Variants in NUDT11 observed in about 807,000 individuals in gnomAD.
NUDT11 encodes diphosphoinositol polyphosphate phosphohydrolase 3-beta.
A neutral mutation model predicts 10.0 loss-of-function variants in NUDT11; 1 was observed. The ratio of observed to expected loss-of-function variants is 0.10; its 90% CI spans 0.04 to 0.47. The LOEUF (loss-of-function observed/expected upper bound fraction) is 0.47, where lower values mean the gene tolerates loss of function less well. Ranked by LOEUF, NUDT11 falls within the 20% of genes least tolerant of loss-of-function variation. The probability of loss-of-function intolerance (pLI) is 0.96; values close to 1 mark genes in which losing one functional copy is unlikely to be tolerated. For missense variants in NUDT11, 47 were observed against 140.4 expected, an observed-to-expected ratio of 0.33 and a Z score of 3.36; for synonymous variants, 63 against 65.9, an observed-to-expected ratio of 0.96 and a Z score of 0.21.
chrX:51,492,197 T>G (rs1299139163), intron 1 of NUDT11, among the ~76,000 whole-genome samples: 1 of 111,716 alleles, frequency 9.0e-6, no homozygotes, highest in Non-Finnish European at 1.9e-5. Context: ...GGCTTCTCAT[T>G]GGAGATGTTT....
chrX:51,492,504 G>A (rs1201332812), intron 1 of NUDT11, among the ~76,000 whole-genome samples: 3 of 110,427 alleles, frequency 2.7e-5, no homozygotes, highest in African/African-American at 6.6e-5. Flanking sequence ...TTACAGGCAC[G>A]TGCCACCATG....
At position 51,491,767 on chromosome X, in the gene NUDT11, C is replaced by T; in HGVS notation, c.*-18G>A. 1 of 571,069 alleles carries T rather than the reference C, an allele frequency of 1.8e-6. No individual in the cohort carries two copies. The highest frequency in any genetic ancestry group is 2.2e-5 in the Admixed American group (1 of 45,223). The allele number at this position is 571,069 out of a possible 1,213,427, so 47.1% of individuals were successfully genotyped here. A position where few individuals can be genotyped will look rare whatever the true frequency, so the allele number is the denominator to read the frequency against. ...CTGTTCATCTGGAAAAACAAACCAACACACAATTAGCAGGCTTATGTTAAT... is the reference window on the plus strand; with the variant it reads ...CTGTTCATCTGGAAAAACAAACCAATACACAATTAGCAGGCTTATGTTAAT... On this transcript the variant is annotated intron_variant, in intron 1 of 1. Transcript: ENST00000375992.
At chrX:51,494,479 A>G (rs1324324081) in intron 1 of NUDT11, among the ~76,000 whole-genome samples, 2 of 112,204 alleles carry the variant, frequency 1.8e-5, no homozygotes, top group Admixed American at 9.4e-5. Context: ...CAGTGGCACC[A>G]TATTTCTTTA....
rs1925564069 is a variant in NUDT11, at chrX:51,490,244, T to C, written c.*1505A>G. 1 of 111,534 alleles carries C rather than the reference T, an allele frequency of 9.0e-6. No homozygotes were observed. The highest frequency in any genetic ancestry group is 3.3e-5 in the African/African-American group (1 of 30,690). The allele number at this position is 111,534 out of a possible 1,213,427, so 9.2% of individuals were successfully genotyped here. A position where few individuals can be genotyped will look rare whatever the true frequency, so the allele number is the denominator to read the frequency against. On this transcript the variant is annotated 3_prime_UTR_variant, in exon 2 of 2. Transcript: ENST00000375992. ...TATACTTCTCTAAAAGATAATCATT[T>C]TTTAAAACAACATAACCACAGTACC...
intron 1 of NUDT11, among the ~76,000 whole-genome samples, chrX:51,494,722 C>T (rs1925664459): frequency 9.0e-6 from 1 of 111,092 alleles, no homozygotes. Flanking sequence ...TTACAGGCAA[C>T]GTTAAGTTCT....
Position 51,490,972 on chromosome X carries a change from T to A in NUDT11, c.*777A>T, listed in dbSNP as rs192848566. ...GGTTAGGGCAGGCATTGCAAAAAAA[T>A]GTCTTATATATCATTTTAAAATTTA... On this transcript the variant is annotated 3_prime_UTR_variant, in exon 2 of 2. Coordinates refer to ENST00000375992, the MANE Select transcript of NUDT11 (RefSeq NM_018159.4). The A allele has an allele frequency of 3.6e-3, 407 of 112,426 alleles. 2 individuals are homozygous for A. The highest frequency in any genetic ancestry group is 0.013 in the African/African-American group (388 of 30,960). The allele number at this position is 112,426 out of a possible 1,213,427, so 9.3% of individuals were successfully genotyped here. A position where few individuals can be genotyped will look rare whatever the true frequency, so the allele number is the denominator to read the frequency against.
chrX:51,496,153 G>A lies in NUDT11; in HGVS notation c.292C>T (p.Leu98=). ...DRKHRTYVYV[L]TVTELLEDWE... is the part of the protein sequence containing the mutation. Reference sequence around the variant, plus strand: ...TCCTCCAGCAGCTCCGTGACAGTCAGTACATACACGTACGTTCTGTGCTTG... The same window carrying A: ...TCCTCCAGCAGCTCCGTGACAGTCAATACATACACGTACGTTCTGTGCTTG... Residue 98 remains leucine (L), a synonymous_variant, in exon 1 of 2, where the codon CTG becomes TTG. Transcript: ENST00000375992. The A allele has an allele frequency of 1.7e-6, 2 of 1,211,626 alleles. No homozygotes were observed. Among genetic ancestry groups the A allele is most frequent in the Non-Finnish European group, 2.2e-6 (2 of 895,417 alleles).
intron 1 of NUDT11, among the ~76,000 whole-genome samples, chrX:51,493,485 TGTG>T (rs1285600099): frequency 8.9e-6 from 1 of 112,031 alleles, no homozygotes; most frequent in Non-Finnish European, 1.9e-5. Flanking sequence ...TCTAAAGAAA[TGTG>T]GTGCCACTGT....
chrX:51,495,028 G>C (rs1486888904), intron 1 of NUDT11, among the ~76,000 whole-genome samples: 1 of 111,878 alleles, frequency 8.9e-6, no homozygotes, highest in Non-Finnish European at 1.9e-5. Context: ...ATGGTATCCA[G>C]TAAGGGGCAA....
chrX:51,492,572 G>A (rs1382495687), intron 1 of NUDT11, among the ~76,000 whole-genome samples: 2 of 110,641 alleles, frequency 1.8e-5, no homozygotes, highest in Non-Finnish European at 3.8e-5. Flanking sequence ...TTGGGGTTTC[G>A]CCATATTGGC....
chrX:51,495,874 C>A, intron 1 of NUDT11, 77 bp downstream of exon 1: 12 of 1,166,684 alleles, frequency 1.0e-5, no homozygotes, highest in Non-Finnish European at 1.3e-5. Context: ...GCACATGGCA[C>A]GAGAGGTGCT....
At chrX:51,492,753 G>A (rs1361347669) in intron 1 of NUDT11, among the ~76,000 whole-genome samples, 1 of 111,781 alleles carries the variant, frequency 8.9e-6, no homozygotes, top group Non-Finnish European at 1.9e-5. Context: ...AGTGCTGTTT[G>A]CCCAAACATA....
intron 1 of NUDT11, among the ~76,000 whole-genome samples, chrX:51,493,657 G>A (rs1340279399): frequency 2.7e-5 from 3 of 110,997 alleles, no homozygotes; most frequent in Non-Finnish European, 5.7e-5. Flanking sequence ...CTATTCTGAT[G>A]AGACTAAGTT....
intron 1 of NUDT11, among the ~76,000 whole-genome samples, chrX:51,492,339 A>G (rs781834747): frequency 5.5e-5 from 6 of 109,869 alleles, no homozygotes; most frequent in African/African-American, 2.0e-4. Flanking sequence ...CAAACCCCCA[A>G]TGTAGTTTCT....
In NUDT11 at chrX:51,491,557, T is replaced by C. The variant is rs1049092548; in HGVS notation, c.*192A>G. 1.4e-4 allele frequency: 59 copies of C among 432,121 alleles called. No individual in the cohort carries two copies. The African/African-American group carries it at 1.5e-3, about 11-fold the overall frequency. 35.6% of individuals were successfully genotyped at this position (432,121 alleles called of 1,213,427 possible). A position where few individuals can be genotyped will look rare whatever the true frequency, so the allele number is the denominator to read the frequency against. On this transcript the variant is annotated 3_prime_UTR_variant, in exon 2 of 2. Coordinates refer to ENST00000375992, the MANE Select transcript of NUDT11 (RefSeq NM_018159.4). ...GTGCTGAATTAAGAGTCTATTCACG[T>C]ATAAGAGTACAACAACCAGAGCAAG...
intron 1 of NUDT11, among the ~76,000 whole-genome samples, chrX:51,492,771 T>A (rs1423050527): frequency 8.9e-6 from 1 of 112,201 alleles, no homozygotes; most frequent in Non-Finnish European, 1.9e-5. Flanking sequence ...ATATTTAAAA[T>A]CTGCTAAATA....
In NUDT11 at chrX:51,496,166, C is replaced by T. The variant is rs782493026; in HGVS notation, c.279G>A (p.Thr93=). 2 of 1,211,865 alleles carry T rather than the reference C, an allele frequency of 1.7e-6. No individual in the cohort carries two copies. The highest frequency in any genetic ancestry group is 3.0e-5 in the East Asian group (1 of 33,817). Residue 93 remains threonine (T), a synonymous_variant, in exon 1 of 2, where the codon ACG becomes ACA. Transcript: ENST00000375992. ...CCGTGACAGTCAGTACATACACGTA[C>T]GTTCTGTGCTTGCGATCCTGGTTCT... ...FEQNQDRKHR[T]YVYVLTVTEL...
At position 51,496,181 on chromosome X, in the gene NUDT11, A is replaced by C. The variant is rs782320547; in HGVS notation, c.264T>G (p.Asp88Glu). Residue 88 changes from aspartate (D) to glutamate (E), a missense_variant, in exon 1 of 2, where the codon GAT becomes GAG. By Grantham distance (45) the Asp-to-Glu change is conservative. Coordinates refer to ENST00000375992, the MANE Select transcript of NUDT11 (RefSeq NM_018159.4). Reference protein sequence around the residue: ...RLLGVFEQNQDRKHRTYVYVL... With the variant: ...RLLGVFEQNQERKHRTYVYVL... ...CATACACGTACGTTCTGTGCTTGCG[A>C]TCCTGGTTCTGTTCGAAGACGCCCA... 1 of 1,211,241 alleles carries C rather than the reference A, an allele frequency of 8.3e-7. No individual in the cohort carries two copies. The highest frequency in any genetic ancestry group is 1.1e-6 in the Non-Finnish European group (1 of 895,289).
At position 51,496,046 on chromosome X, in the gene NUDT11, C is replaced by T. The variant is rs1224885650; in HGVS notation, c.399G>A (p.Lys133=). 1 of 1,208,936 alleles carries T rather than the reference C, an allele frequency of 8.3e-7. No homozygotes were observed. Among genetic ancestry groups the T allele is most frequent in the African/African-American group, 1.7e-5 (1 of 57,183 alleles). ...TCTCCAGATATTCGGCGTGCACGGG[C>T]TTGTGGCACTGGAGAACCTTGATGG... ...EDAIKVLQCH[K]PVHAEYLEKL... The change falls in exon 1 of 2, where the codon AAG becomes AAA. Residue 133 remains lysine (K), a synonymous_variant. Coordinates refer to ENST00000375992, the MANE Select transcript of NUDT11 (RefSeq NM_018159.4).
Sources: gnomAD v4.1 joint callset for allele counts (sites outside exome capture counted in the v4.1 genomes callset) on GRCh38, gnomAD v4.1.1 for gene constraint, MANE v1.5 for transcripts, NCBI Gene and HGNC (gene_info 2026-07-23, HGNC 2026-07-21) for gene names.